Variants in ATAD2B observed in about 807,000 individuals in gnomAD.
ATAD2B encodes the protein ATPase family AAA domain containing 2B.
In ATAD2B, 40 loss-of-function variants were observed where a neutral mutation model predicts 167.6. That is an observed-to-expected ratio of 0.24 (90% CI 0.19 to 0.31). ATAD2B has a LOEUF of 0.31. Ranked by LOEUF, ATAD2B falls within the 10% of genes least tolerant of loss-of-function variation. The probability of loss-of-function intolerance (pLI) is 1.00; values close to 1 mark genes in which losing one functional copy is unlikely to be tolerated. For missense variants in ATAD2B, 1,242 were observed against 1,757.2 expected (o/e 0.71, Z 5.24); for synonymous variants, 579 against 596.5 (o/e 0.97, Z 0.43).
At chr2:23,918,421 A>T (rs2150636977) in intron 1 of ATAD2B, among the ~76,000 whole-genome samples, 1 of 152,210 alleles carries the variant, frequency 6.6e-6, no homozygotes, top group African/African-American at 2.4e-5. Flanking sequence ...CACAAAAAAA[A>T]TTTAAAAATA....
At chr2:23,877,458 CA>C (rs1205647841) in intron 7 of ATAD2B, among the ~76,000 whole-genome samples, 4 of 144,842 alleles carry the variant, frequency 2.8e-5, no homozygotes, top group African/African-American at 1.0e-4. Flanking sequence ...CATGCCACTG[CA>C]CTCCAGCCTA....
At chr2:23,693,613 G>A in the ATAD2B span, 1 of 1,376,518 alleles carries the variant, frequency 7.3e-7, no homozygotes, top group Non-Finnish European at 1.0e-6. Context: ...GAGGAAGGAA[G>A]TGAACCTTCC....
chr2:23,776,293 T>G (rs559619088), intron 22 of ATAD2B, among the ~76,000 whole-genome samples: 6 of 152,212 alleles, frequency 3.9e-5, no homozygotes, highest in Admixed American at 3.9e-4. Context: ...TAGGTTTTTG[T>G]CCACCATATT....
At chr2:23,825,099 C>G (rs1182660306) in intron 15 of ATAD2B, among the ~76,000 whole-genome samples, 1 of 146,300 alleles carries the variant, frequency 6.8e-6, no homozygotes, top group Non-Finnish European at 1.5e-5. Context: ...TGTGCCATCA[C>G]ATCAGGCTAA....
At chr2:23,704,543 G>C in the ATAD2B span, among the ~76,000 whole-genome samples, 2 of 152,218 alleles carry the variant, frequency 1.3e-5, no homozygotes, top group Admixed American at 1.3e-4. Context: ...GAGGCGGATG[G>C]ATCAGTTGAG....
intron 13 of ATAD2B, among the ~76,000 whole-genome samples, chr2:23,841,129 G>C (rs951767998): frequency 7.0e-6 from 1 of 142,080 alleles, no homozygotes; most frequent in Non-Finnish European, 1.5e-5. Context: ...TGTACAGATG[G>C]GTTCTCATTA....
the ATAD2B span, among the ~76,000 whole-genome samples, chr2:23,723,922 TG>T: frequency 6.6e-6 from 1 of 152,216 alleles, no homozygotes; most frequent in South Asian, 2.1e-4. Flanking sequence ...ATATACACCA[TG>T]GAATACTATT....
At chr2:23,709,103 C>T in the ATAD2B span, among the ~76,000 whole-genome samples, 9 of 152,098 alleles carry the variant, frequency 5.9e-5, no homozygotes, top group South Asian at 2.1e-4. Context: ...TGCAATGGCG[C>T]GATCTCAGGC....
At chr2:23,757,375 T>G in intron 25 of ATAD2B, 43 bp downstream of exon 25, 1 of 1,392,404 alleles carries the variant, frequency 7.2e-7, no homozygotes. Flanking sequence ...GAATTAACTC[T>G]GGAGTTTAAA....
At position 23,864,931 on chromosome 2, in the gene ATAD2B, A is replaced by C; in HGVS notation, c.1189-7T>G. On this transcript the variant is annotated splice_region_variant and splice_polypyrimidine_tract_variant and intron_variant, in intron 10 of 27. Transcript: ENST00000238789. ...CTATGCTATCAAACCGTACCTTGGAAAGAAGGGGAAAAATTTGATATCAAA... is the reference window on the plus strand; with the variant it reads ...CTATGCTATCAAACCGTACCTTGGACAGAAGGGGAAAAATTTGATATCAAA... 1.3e-6 allele frequency: 2 copies of C among 1,501,690 alleles called. No homozygotes were observed. The highest frequency in any genetic ancestry group is 1.8e-6 in the Non-Finnish European group (2 of 1,119,848). The allele number at this position is 1,501,690 out of a possible 1,614,324, so 93.0% of individuals were successfully genotyped here.
chr2:23,838,106 CCA>C (rs1459145895), intron 13 of ATAD2B, among the ~76,000 whole-genome samples: 2 of 152,142 alleles, frequency 1.3e-5, no homozygotes, highest in African/African-American at 4.8e-5. Context: ...AGCTGTGTTT[CCA>C]AAATCTATAA....
At chr2:23,722,147 T>G in the ATAD2B span, among the ~76,000 whole-genome samples, 8 of 152,216 alleles carry the variant, frequency 5.3e-5, no homozygotes, top group Non-Finnish European at 1.2e-4. Flanking sequence ...GAGGCAACTT[T>G]TCTACTAGAT....
chr2:23,862,405 T>TTTG (rs1278219968), intron 12 of ATAD2B, among the ~76,000 whole-genome samples: 24 of 104,336 alleles, frequency 2.3e-4, no homozygotes, highest in African/African-American at 8.4e-4. Context: ...GGACTGGTTT[T>TTTG]TTTTTTTTTT....
the ATAD2B span, chr2:23,708,435 C>G: frequency 1.3e-5 from 2 of 152,170 alleles, no homozygotes; most frequent in African/African-American, 4.8e-5. Flanking sequence ...GTCAGCGAGA[C>G]TCAACACAGA....
intron 22 of ATAD2B, among the ~76,000 whole-genome samples, chr2:23,768,985 T>C (rs887537768): frequency 7.9e-5 from 12 of 152,204 alleles, no homozygotes; most frequent in Admixed American, 7.2e-4. Context: ...GAACAAACCT[T>C]TGTATGGAAA....
At chr2:23,769,915 C>T (rs1678050100) in intron 22 of ATAD2B, among the ~76,000 whole-genome samples, 1 of 151,358 alleles carries the variant, frequency 6.6e-6, no homozygotes, top group African/African-American at 2.4e-5. Flanking sequence ...AACTCCTGAC[C>T]TCAGGTGATC....
Position 23,751,751 on chromosome 2 carries a change from A to T in ATAD2B, c.*295T>A, listed in dbSNP as rs369416919. On this transcript the variant is annotated 3_prime_UTR_variant, in exon 28 of 28. Coordinates refer to ENST00000238789, the MANE Select transcript of ATAD2B (RefSeq NM_017552.4). ...GAGTCTCCAAAAGAGAGTGCACAAA[A>T]AGAGGAGCAGAAGCGAGAGCAGTTT... 5 of 399,496 alleles carry T rather than the reference A, an allele frequency of 1.3e-5. No individual in the cohort carries two copies. The highest frequency in any genetic ancestry group is 6.3e-5 in the African/African-American group (3 of 47,484). 24.7% of individuals were successfully genotyped at this position (399,496 alleles called of 1,614,324 possible).
chr2:23,879,187 G>C (rs1697484225), intron 7 of ATAD2B, among the ~76,000 whole-genome samples: 1 of 151,996 alleles, frequency 6.6e-6, no homozygotes, highest in African/African-American at 2.4e-5. Context: ...ACCTACATGT[G>C]AATGTTCATC....
At chr2:23,755,974 G>C (rs1354662060) in intron 25 of ATAD2B, among the ~76,000 whole-genome samples, 1 of 152,030 alleles carries the variant, frequency 6.6e-6, no homozygotes, top group Non-Finnish European at 1.5e-5. Flanking sequence ...GAAAGCTTCA[G>C]GTCAAACTTT....
Sources: gnomAD v4.1 joint callset for allele counts (sites outside exome capture counted in the v4.1 genomes callset) on GRCh38, gnomAD v4.1.1 for gene constraint, MANE v1.5 for transcripts, NCBI Gene and HGNC (gene_info 2026-07-23, HGNC 2026-07-21) for gene names.